PCDHGA7: variants seen among roughly 807,000 people sequenced by gnomAD.
PCDHGA7 encodes protocadherin gamma-A7.
In PCDHGA7, 44 loss-of-function variants were observed where a neutral mutation model predicts 58.3. That is an observed-to-expected ratio of 0.75 (90% CI 0.59 to 0.97). The LOEUF is 0.97. Ranked by LOEUF, PCDHGA7 falls within the 50% of genes least tolerant of loss-of-function variation. The pLI, the probability that PCDHGA7 is intolerant of heterozygous loss-of-function variation, is 0.00. For missense variants in PCDHGA7, 1,266 were observed against 1,188.7 expected, an observed-to-expected ratio of 1.06 and a Z score of -0.96; for synonymous variants, 516 against 504.2, an observed-to-expected ratio of 1.02 and a Z score of -0.31.
intron 1 of PCDHGA7, among the ~76,000 whole-genome samples, chr5:141,469,004 C>T (rs570896326): frequency 3.3e-5 from 5 of 151,802 alleles, no homozygotes; most frequent in Admixed American, 2.0e-4. Flanking sequence ...TTGCTGGGTG[C>T]GGTGGGTCAC....
intron 1 of PCDHGA7, chr5:141,395,542 TTG>T (rs55729045): frequency 0.047 from 8,055 of 172,168 alleles, 192 homozygotes; most frequent in African/African-American, 0.072. Flanking sequence ...TTGCTATTGT[TTG>T]TGTGTGTGTG....
rs922592733 is a variant in PCDHGA7 at position 141,487,979 on chromosome 5, C to T, written c.2425-6828C>T. Among the ~76,000 whole-genome samples the T allele has an allele frequency of 1.3e-5, 2 of 152,178 alleles. No individual in the cohort carries two copies. Among genetic ancestry groups the T allele is most frequent in the African/African-American group, 4.8e-5 (2 of 41,442 alleles). The stretch of plus-strand genomic sequence containing the variant: ...TGGACAAAGGTGGCTGTTTTCTCTA[C>T]TCTTCCTGAAAGAGGGGATCAGATT... On this transcript the variant is annotated intron_variant, in intron 1 of 3. Coordinates refer to ENST00000518325, the MANE Select transcript of PCDHGA7 (RefSeq NM_018920.4). The surrounding 1 kb of genome is among the most constrained non-coding windows in gnomAD (Gnocchi z 5.0).
intron 3 of PCDHGA7, among the ~76,000 whole-genome samples, chr5:141,509,277 T>TC (rs566266970): frequency 0.011 from 1,653 of 152,240 alleles, 22 homozygotes; most frequent in Non-Finnish European, 0.018. Context: ...CGCTACCCGC[T>TC]CCCAGGGTCC....
chr5:141,404,169 C>T (rs199556803), intron 1 of PCDHGA7: 118 of 1,612,734 alleles, frequency 7.3e-5, no homozygotes, highest in Non-Finnish European at 8.8e-5. Flanking sequence ...AGATTGTTGA[C>T]GGCCCAAATT....
At chr5:141,396,944 G>A (rs983363091) in intron 1 of PCDHGA7, among the ~76,000 whole-genome samples, 1 of 152,166 alleles carries the variant, frequency 6.6e-6, no homozygotes, top group African/African-American at 2.4e-5. Context: ...GCCCTGGTAG[G>A]AAAGAAAATC....
chr5:141,433,047 C>T (rs1561867159), intron 1 of PCDHGA7: 1 of 1,614,046 alleles, frequency 6.2e-7, no homozygotes, highest in African/African-American at 1.3e-5. Flanking sequence ...ACCACGGACT[C>T]GCGGAAGAGT....
intron 1 of PCDHGA7, chr5:141,415,531 C>G (rs777787905): frequency 1.2e-6 from 2 of 1,614,030 alleles, no homozygotes; most frequent in Non-Finnish European, 1.7e-6. Context: ...GCTCATCAGC[C>G]AGGAGAGCTG....
chr5:141,432,378 C>A lies in PCDHGA7; in HGVS notation c.2424+47055C>A. On this transcript the variant is annotated intron_variant, in intron 1 of 3. Coordinates refer to ENST00000518325, the MANE Select transcript of PCDHGA7 (RefSeq NM_018920.4). This position sits in a 1 kb window ranked among gnomAD's most constrained non-coding sequence, Gnocchi z 6.0. ...GTGATGGCGCGGGACAACGGGCACC[C>A]GCCCCTCAGCAGCAACGTGTCGTTG... 6.2e-7 allele frequency: 1 copy of A among 1,614,234 alleles called. No individual in the cohort carries two copies. Among genetic ancestry groups the A allele is most frequent in the South Asian group, 1.1e-5 (1 of 91,082 alleles).
In PCDHGA7 at chr5:141,476,933, GA is replaced by G; in HGVS notation, c.2425-17872del. 1 of 1,614,176 alleles carries G rather than the reference GA, an allele frequency of 6.2e-7. No individual in the cohort carries two copies. Reference sequence around the variant, plus strand: ...ACAAGTCCTTGCAACGGATCTGGATGAAGGCCCCAACGGTGAAATTATTTAC... The same window carrying G: ...ACAAGTCCTTGCAACGGATCTGGATGAGGCCCCAACGGTGAAATTATTTAC... On this transcript the variant is annotated intron_variant, in intron 1 of 3. Transcript: ENST00000518325. This position sits in a 1 kb window ranked among gnomAD's most constrained non-coding sequence, Gnocchi z 7.6.
chr5:141,415,603 T>C, intron 1 of PCDHGA7: 6 of 1,613,954 alleles, frequency 3.7e-6, no homozygotes, highest in Non-Finnish European at 5.1e-6. Flanking sequence ...GGATACCCCA[T>C]TGGTTCCAGT....
At chr5:141,399,658 T>C (rs766038311) in intron 1 of PCDHGA7, 2 of 1,613,690 alleles carry the variant, frequency 1.2e-6, no homozygotes, top group South Asian at 2.2e-5. Flanking sequence ...TGGGGTGGTG[T>C]TCGCGCAGCG....
In PCDHGA7 at chr5:141,432,752, G is replaced by C. The variant is rs1407361813; in HGVS notation, c.2424+47429G>C. On this transcript the variant is annotated intron_variant, in intron 1 of 3. Coordinates refer to ENST00000518325, the MANE Select transcript of PCDHGA7 (RefSeq NM_018920.4). The surrounding 1 kb of genome is among the most constrained non-coding windows in gnomAD (Gnocchi z 6.0). Reference sequence around the variant, plus strand: ...CACTGTCACGCTCACCGTGGCCGTGGCCGACAGCATCCCCCAAGTCCTGGC... The same window carrying C: ...CACTGTCACGCTCACCGTGGCCGTGCCCGACAGCATCCCCCAAGTCCTGGC... 9.3e-6 allele frequency: 15 copies of C among 1,614,024 alleles called. No individual in the cohort carries two copies. The highest frequency in any genetic ancestry group is 1.3e-5 in the Non-Finnish European group (15 of 1,180,008).
Position 141,485,428 on chromosome 5 carries a change from C to T in PCDHGA7, c.2425-9379C>T, listed in dbSNP as rs2099613200. Reference sequence around the variant, plus strand: ...TGGATTTGGACAGCGGAGCCCTGCTCATCAAGAACCCAATCGACCGAGAGG... The same window carrying T: ...TGGATTTGGACAGCGGAGCCCTGCTTATCAAGAACCCAATCGACCGAGAGG... On this transcript the variant is annotated intron_variant, in intron 1 of 3. Transcript: ENST00000518325. The surrounding 1 kb of genome is among the most constrained non-coding windows in gnomAD (Gnocchi z 5.7). The T allele has an allele frequency of 2.5e-6, 4 of 1,614,160 alleles. No homozygotes were observed. The highest frequency in any genetic ancestry group is 3.4e-6 in the Non-Finnish European group (4 of 1,180,022).
intron 1 of PCDHGA7, chr5:141,400,304 G>T: frequency 6.2e-7 from 1 of 1,614,048 alleles, no homozygotes; most frequent in African/African-American, 1.3e-5. Context: ...TTCCAACCTG[G>T]TCTCTGTGTC....
intron 1 of PCDHGA7, chr5:141,389,468 C>T (rs772524229): frequency 1.2e-6 from 2 of 1,613,294 alleles, no homozygotes; most frequent in East Asian, 2.2e-5. Context: ...CCTTCGAACT[C>T]ACACTGCAGG....
intron 3 of PCDHGA7, among the ~76,000 whole-genome samples, chr5:141,506,444 C>CA (rs1219684339): frequency 0.017 from 1,570 of 94,842 alleles, 20 homozygotes; most frequent in African/African-American, 0.048. Flanking sequence ...CGCTCTGTCT[C>CA]AAAAAAAAAA....
Position 141,510,957 on chromosome 5 carries a change from T to C in PCDHGA7, c.2583T>C (p.Asp861=), listed in dbSNP as rs372617587. ...MILASASEAA[D]GSSTLGGGAG... ...CCTCTGTCTCTGCAGAAGCTGCTGA[T>C]GGGAGCTCCACCCTGGGAGGGGGTG... Residue 861 remains aspartate, a synonymous_variant, in exon 4 of 4, where the codon GAT becomes GAC. Transcript: ENST00000518325. 2.5e-6 allele frequency: 4 copies of C among 1,614,134 alleles called. No individual in the cohort carries two copies. The highest frequency in any genetic ancestry group is 3.4e-6 in the Non-Finnish European group (4 of 1,180,004).
At chr5:141,510,906 C>G in intron 3 of PCDHGA7, 41 bp from the exon 4 acceptor site, 1 of 1,613,582 alleles carries the variant, frequency 6.2e-7, no homozygotes, top group Non-Finnish European at 8.5e-7. Context: ...TGTTGAGGAC[C>G]CTAAGTTTAG....
intron 1 of PCDHGA7, chr5:141,441,995 G>T: frequency 8.1e-6 from 2 of 246,740 alleles, no homozygotes; most frequent in Non-Finnish European, 8.0e-6. Flanking sequence ...CCGACGAGGT[G>T]CTGACAGCTC....
Sources: gnomAD v4.1 joint callset for allele counts (sites outside exome capture counted in the v4.1 genomes callset) on GRCh38, gnomAD v4.1.1 for gene constraint, Gnocchi (gnomAD v3.1) non-coding constraint, MANE v1.5 for transcripts, NCBI Gene and HGNC (gene_info 2026-07-23, HGNC 2026-07-21) for gene names.